Variants in CD2 observed in about 807,000 individuals in gnomAD.
The protein encoded by CD2 is CD2 molecule, also known as T-cell surface antigen CD2.
Under a neutral mutation model 23.2 loss-of-function variants are expected in CD2, and 18 were observed. The ratio of observed to expected loss-of-function variants is 0.77; its 90% CI spans 0.54 to 1.15. CD2 has a LOEUF of 1.15. CD2 is among the 50% of genes most tolerant of loss of function. CD2 has a pLI of 0.00. For missense variants in CD2, 424 were observed against 423.1 expected (o/e 1.00, Z -0.02); for synonymous variants, 162 against 151.9 (o/e 1.07, Z -0.49).
intron 1 of CD2, 26 bp downstream of exon 1, chr1:116,754,579 C>T (rs774910091): frequency 1.2e-6 from 2 of 1,611,234 alleles, no homozygotes; most frequent in East Asian, 2.2e-5. Context: ...AAAGAAGTCC[C>T]AACCCAGCTT....
At chr1:116,766,801 T>C (rs1196376026) in intron 4 of CD2, among the ~76,000 whole-genome samples, 3 of 151,932 alleles carry the variant, frequency 2.0e-5, no homozygotes, top group East Asian at 1.9e-4. Context: ...AGATCAAGAA[T>C]GCAGTGAGAT....
chr1:116,759,721 C>T lies in CD2; in HGVS notation c.383-681C>T, dbSNP rs1651978542. 4.6e-5 allele frequency among the ~76,000 whole-genome samples: 7 copies of T among 152,156 alleles called. No homozygotes were observed. In the South Asian group the frequency reaches 1.5e-3, roughly 32 times the overall value. ...TGCTCTGAGGAGGGCCAGCGTAGAC[C>T]CTGTGAGCAACTGAGCAGCTCTGGG... is the stretch of plus-strand genomic sequence containing the variant. On this transcript the variant is annotated intron_variant, in intron 2 of 4. Coordinates refer to ENST00000369478, the MANE Select transcript of CD2 (RefSeq NM_001767.5).
intron 2 of CD2, among the ~76,000 whole-genome samples, chr1:116,755,946 G>C (rs1385793007): frequency 1.3e-5 from 2 of 152,138 alleles, no homozygotes; most frequent in Non-Finnish European, 2.9e-5. Flanking sequence ...ATGAGCACAG[G>C]CCAGCCATTC....
chr1:116,754,845 G>A lies in CD2; in HGVS notation c.276G>A (p.Leu92=). The A allele has an allele frequency of 3.1e-6, 5 of 1,612,822 alleles. No homozygotes were observed. The South Asian group carries it at 3.3e-5, about 11-fold the overall frequency. The change falls in exon 2 of 5, where the codon CTG becomes CTA. Residue 92 remains leucine, a synonymous_variant. Coordinates refer to ENST00000369478, the MANE Select transcript of CD2 (RefSeq NM_001767.5). ...DTYKLFKNGT[L]KIKHLKTDDQ... ...ATAAGCTATTTAAAAATGGAACTCT[G>A]AAAATTAAGCATCTGAAGACCGATG...
At chr1:116,758,814 T>C (rs1312538529) in intron 2 of CD2, among the ~76,000 whole-genome samples, 1 of 152,206 alleles carries the variant, frequency 6.6e-6, no homozygotes, top group Non-Finnish European at 1.5e-5. Context: ...TACTGAGACC[T>C]AGTTGTTATT....
intron 4 of CD2, 175 bp downstream of exon 4, chr1:116,764,781 A>G: frequency 3.3e-6 from 2 of 605,304 alleles, no homozygotes; most frequent in Admixed American, 3.0e-5. Flanking sequence ...TTGATTTTTG[A>G]AAAACAAATT....
intron 3 of CD2, among the ~76,000 whole-genome samples, chr1:116,763,646 A>T (rs981113832): frequency 3.3e-5 from 5 of 152,200 alleles, no homozygotes; most frequent in African/African-American, 1.2e-4. Flanking sequence ...CCACCCTATG[A>T]TGTAGGTTTC....
Position 116,768,618 on chromosome 1 carries a change from C to T in CD2, c.891C>T (p.Pro297=). Residue 297 remains proline, a synonymous_variant, in exon 5 of 5, where the codon CCC becomes CCT. Transcript: ENST00000369478. ...GTTCCCAGGCACCTAGTCATCGTCC[C>T]CCGCCTCCTGGACACCGTGTTCAGC... The part of the protein sequence containing the change: ...GHRSQAPSHR[P]PPPGHRVQHQ... 6.2e-7 allele frequency: 1 copy of T among 1,614,068 alleles called. No individual in the cohort carries two copies. Among genetic ancestry groups the T allele is most frequent in the African/African-American group, 1.3e-5 (1 of 74,998 alleles).
rs1307507697 is a variant in CD2, at chr1:116,768,521, C to G, written c.794C>G (p.Pro265Arg). 4 of 1,614,000 alleles carry G rather than the reference C, an allele frequency of 2.5e-6. No homozygotes were observed. The highest frequency in any genetic ancestry group is 3.4e-6 in the Non-Finnish European group (4 of 1,180,026). The change falls in exon 5 of 5, where the codon CCC (proline) becomes CGC (arginine). Residue 265 changes from proline to arginine, a missense_variant. Coordinates refer to ENST00000369478, the MANE Select transcript of CD2 (RefSeq NM_001767.5). ...GCTACTGAAGAAAGGGGCCGGAAGC[C>G]CCACCAAATTCCAGCTTCAACCCCT... ...RVATEERGRK[P>R]HQIPASTPQN...
intron 2 of CD2, 54 bp downstream of exon 2, chr1:116,755,005 G>C: frequency 2.4e-6 from 3 of 1,264,356 alleles, no homozygotes; most frequent in Non-Finnish European, 3.4e-6. Flanking sequence ...TATTTGGCAA[G>C]TTGGAAAATA....
intron 3 of CD2, among the ~76,000 whole-genome samples, chr1:116,762,936 G>A (rs1447885908): frequency 6.6e-6 from 1 of 152,198 alleles, no homozygotes; most frequent in African/African-American, 2.4e-5. Context: ...TGACTTGGAG[G>A]GAAGATGGAG....
intron 2 of CD2, among the ~76,000 whole-genome samples, chr1:116,759,226 A>C (rs1314366511): frequency 6.6e-6 from 1 of 152,130 alleles, no homozygotes; most frequent in Non-Finnish European, 1.5e-5. Flanking sequence ...TGAGAAGAAA[A>C]CTTTTAATTT....
intron 3 of CD2, 58 bp downstream of exon 3, chr1:116,760,690 C>A: frequency 7.5e-7 from 1 of 1,332,106 alleles, no homozygotes; most frequent in Non-Finnish European, 1.1e-6. Flanking sequence ...TAGGCAGAGG[C>A]ATGCTGCTCC....
At chr1:116,767,207 C>T (rs992915353) in intron 4 of CD2, among the ~76,000 whole-genome samples, 3 of 152,178 alleles carry the variant, frequency 2.0e-5, no homozygotes, top group Admixed American at 6.5e-5. Context: ...TCAGAGGAGG[C>T]CATCTGGTTT....
chr1:116,757,449 A>G (rs967641886), intron 2 of CD2, among the ~76,000 whole-genome samples: 4 of 152,102 alleles, frequency 2.6e-5, no homozygotes, highest in African/African-American at 9.7e-5. Context: ...GTTCTCATCC[A>G]TGGAAGGCCT....
intron 2 of CD2, among the ~76,000 whole-genome samples, chr1:116,757,750 T>TAG (rs1282413018): frequency 6.7e-4 from 100 of 149,318 alleles, no homozygotes; most frequent in Admixed American, 4.4e-3. Flanking sequence ...CATATATATA[T>TAG]ATAGAGAGAG....
At chr1:116,758,400 T>C (rs576194968) in intron 2 of CD2, among the ~76,000 whole-genome samples, 1 of 152,166 alleles carries the variant, frequency 6.6e-6, no homozygotes, top group Admixed American at 6.5e-5. Context: ...GACCCCACCT[T>C]CTTCCTCTCT....
intron 2 of CD2, among the ~76,000 whole-genome samples, chr1:116,756,587 G>A (rs1651857145): frequency 6.6e-6 from 1 of 151,702 alleles, no homozygotes; most frequent in Admixed American, 6.6e-5. Context: ...TTTTTTCCAA[G>A]CAGCTTCATT....
intron 2 of CD2, among the ~76,000 whole-genome samples, chr1:116,757,552 G>A (rs1033296182): frequency 5.3e-5 from 8 of 152,086 alleles, no homozygotes; most frequent in South Asian, 4.2e-4. Flanking sequence ...TCATGTTAGC[G>A]AAATACTAGA....
Sources: gnomAD v4.1 joint callset for allele counts (sites outside exome capture counted in the v4.1 genomes callset) on GRCh38, gnomAD v4.1.1 for gene constraint, MANE v1.5 for transcripts, NCBI Gene and HGNC (gene_info 2026-07-23, HGNC 2026-07-21) for gene names.